The following MLIP variants were observed in gnomAD, a reference collection of about 807,000 sequenced individuals.
MLIP encodes muscular LMNA-interacting protein.
In MLIP, 79 loss-of-function variants were observed where a neutral mutation model predicts 84.8. That is an observed-to-expected ratio of 0.93 (90% CI 0.78 to 1.12). The LOEUF is 1.12. MLIP is among the 50% of genes most tolerant of loss of function. The pLI is 0.00. For missense variants in MLIP, 1,257 were observed against 1,160.6 expected (o/e 1.08, Z -1.21); for synonymous variants, 504 against 463.0 (o/e 1.09, Z -1.14).
intron 1 of MLIP, among the ~76,000 whole-genome samples, chr6:54,049,026 A>C (rs977620334): frequency 5.3e-5 from 8 of 152,166 alleles, no homozygotes; most frequent in Non-Finnish European, 1.0e-4. Context: ...ACTTTCCTTG[A>C]AAGTCTATGT....
intron 5 of MLIP, among the ~76,000 whole-genome samples, chr6:54,152,771 CTG>C (rs892520444): frequency 1.3e-5 from 2 of 152,024 alleles, no homozygotes; most frequent in Admixed American, 6.6e-5. Context: ...TCATCTGAGT[CTG>C]ATAGCAATAG....
chr6:54,153,089 T>G (rs1263133928), intron 5 of MLIP, among the ~76,000 whole-genome samples: 3 of 152,180 alleles, frequency 2.0e-5, no homozygotes, highest in African/African-American at 7.2e-5. Flanking sequence ...TACATTTGAT[T>G]CATAAGAAGT....
chr6:54,074,183 G>A (rs1766653881), intron 1 of MLIP, among the ~76,000 whole-genome samples: 2 of 152,054 alleles, frequency 1.3e-5, no homozygotes, highest in African/African-American at 4.8e-5. Flanking sequence ...TTGATAAATG[G>A]CTCCCAGTAT....
At chr6:54,138,338 C>T in intron 4 of MLIP, 52 bp downstream of exon 4, 1 of 1,372,642 alleles carries the variant, frequency 7.3e-7, no homozygotes. Flanking sequence ...AGGGAAGAAT[C>T]TTTTTTTTTT....
intron 11 of MLIP, among the ~76,000 whole-genome samples, chr6:54,205,296 C>G (rs1178882950): frequency 5.9e-5 from 9 of 152,238 alleles, no homozygotes; most frequent in African/African-American, 2.2e-4. Context: ...TTCTCTTACA[C>G]TGCTGCCACA....
intron 1 of MLIP, among the ~76,000 whole-genome samples, chr6:54,086,535 A>G (rs526144): frequency 0.82 from 124,555 of 152,124 alleles, 52,289 homozygotes; most frequent in East Asian, 0.96. Flanking sequence ...TTGCTACTGG[A>G]GAGTGAGATC....
chr6:54,204,957 G>A (rs189800698), intron 11 of MLIP, among the ~76,000 whole-genome samples: 1 of 152,282 alleles, frequency 6.6e-6, no homozygotes, highest in Admixed American at 6.5e-5. Flanking sequence ...AAGAAGCCTA[G>A]CATACCACTT....
chr6:54,229,914 T>C (rs1780863145), intron 11 of MLIP, among the ~76,000 whole-genome samples: 1 of 152,188 alleles, frequency 6.6e-6, no homozygotes, highest in Non-Finnish European at 1.5e-5. Context: ...TGTAGGCCCT[T>C]TTTGCAACTT....
chr6:54,201,029 C>T (rs1457140556), intron 10 of MLIP, among the ~76,000 whole-genome samples: 3 of 152,174 alleles, frequency 2.0e-5, no homozygotes, highest in Non-Finnish European at 1.5e-5. Flanking sequence ...AGTGCTTAAA[C>T]AGAAAGAGCA....
intron 1 of MLIP, among the ~76,000 whole-genome samples, chr6:54,066,327 A>G (rs1766226151): frequency 9.9e-6 from 1 of 100,688 alleles, no homozygotes; most frequent in South Asian, 3.5e-4. Flanking sequence ...TGAGCATTAA[A>G]TATGTATTAT....
rs561851931 is a variant in MLIP, at chr6:54,069,741, G to A, written c.63+50650G>A. 5.1e-5 allele frequency among the ~76,000 whole-genome samples: 5 copies of A among 98,490 alleles called. 1 individual carries two copies. Among genetic ancestry groups the A allele is most frequent in the Admixed American group, 9.5e-5 (1 of 10,562 alleles). The allele number at this position is 98,490 out of a possible 152,430, so 64.6% of individuals were successfully genotyped here. ...TGTTGAATCCAGGGATGCAGAACTCGTCTATATGGAGGGCCAACTTCACAC... is the reference window on the plus strand; with the variant it reads ...TGTTGAATCCAGGGATGCAGAACTCATCTATATGGAGGGCCAACTTCACAC... On this transcript the variant is annotated intron_variant, in intron 1 of 12. Transcript: ENST00000274897.
intron 1 of MLIP, among the ~76,000 whole-genome samples, chr6:54,082,504 A>T (rs192643343): frequency 6.6e-6 from 1 of 152,350 alleles, no homozygotes; most frequent in Non-Finnish European, 1.5e-5. Flanking sequence ...TCGGATTACA[A>T]TTCAGAGATG....
intron 11 of MLIP, among the ~76,000 whole-genome samples, chr6:54,227,475 A>G (rs1037179872): frequency 1.3e-5 from 2 of 152,230 alleles, no homozygotes; most frequent in Non-Finnish European, 2.9e-5. Context: ...AATGTTACAT[A>G]TAAAAGAGCA....
At chr6:54,246,187 T>C (rs1039664772) in intron 12 of MLIP, among the ~76,000 whole-genome samples, 1 of 152,134 alleles carries the variant, frequency 6.6e-6, no homozygotes, top group African/African-American at 2.4e-5. Context: ...AAAATATTTA[T>C]TTAGCCACCA....
intron 10 of MLIP, among the ~76,000 whole-genome samples, chr6:54,195,237 G>T (rs1778213537): frequency 6.6e-6 from 1 of 152,066 alleles, no homozygotes. Flanking sequence ...CAGACTCACA[G>T]AATTTGCTAT....
intron 1 of MLIP, among the ~76,000 whole-genome samples, chr6:54,120,248 T>A (rs898048416): frequency 2.6e-5 from 4 of 152,220 alleles, no homozygotes; most frequent in East Asian, 1.9e-4. Context: ...TTATTTTTTT[T>A]TTTTGAGACG....
intron 8 of MLIP, among the ~76,000 whole-genome samples, chr6:54,169,251 A>T (rs1775519849): frequency 6.6e-6 from 1 of 151,772 alleles, no homozygotes; most frequent in East Asian, 1.9e-4. Context: ...TGAAATAGGC[A>T]AAAATTATGG....
chr6:54,179,074 C>T (rs1001286844), intron 9 of MLIP, among the ~76,000 whole-genome samples: 2 of 152,128 alleles, frequency 1.3e-5, no homozygotes, highest in Non-Finnish European at 2.9e-5. Flanking sequence ...TATCTGGGTG[C>T]TCCAGTGTTG....
At chr6:54,162,769 T>C (rs1774782246) in intron 8 of MLIP, among the ~76,000 whole-genome samples, 1 of 151,932 alleles carries the variant, frequency 6.6e-6, no homozygotes, top group Non-Finnish European at 1.5e-5. Context: ...GAAGTGCTTA[T>C]CAAGAAAGCT....
Sources: gnomAD v4.1 joint callset for allele counts (sites outside exome capture counted in the v4.1 genomes callset) on GRCh38, gnomAD v4.1.1 for gene constraint, MANE v1.5 for transcripts, NCBI Gene and HGNC (gene_info 2026-07-23, HGNC 2026-07-21) for gene names.